THBS2: variants seen among roughly 807,000 people sequenced by gnomAD.
THBS2 encodes the protein thrombospondin 2.
A neutral mutation model predicts 135.2 loss-of-function variants in THBS2; 47 were observed. The ratio of observed to expected loss-of-function variants is 0.35; its 90% CI spans 0.28 to 0.44. The LOEUF (loss-of-function observed/expected upper bound fraction) is 0.44. Ranked by LOEUF, THBS2 falls within the 20% of genes least tolerant of loss-of-function variation. The pLI, the probability that THBS2 is intolerant of heterozygous loss-of-function variation, is 1.00. For synonymous variants in THBS2, 639 were observed against 633.8 expected (o/e 1.01, Z -0.12); for missense variants, 1,288 against 1,603.1 (o/e 0.80, Z 3.36).
rs1201713828 is a variant in THBS2 at position 169,241,133 on chromosome 6, G to T, written c.892-541C>A. On this transcript the variant is annotated intron_variant, in intron 5 of 21. Transcript: ENST00000617924. The surrounding 1 kb of genome is among the most constrained non-coding windows in gnomAD (Gnocchi z 5.5). Reference sequence around the variant, plus strand: ...GGCATCATTTACTTCATGCCCTCTGGGTACGAGTGACAGTCAGCATCACTG... The same window carrying T: ...GGCATCATTTACTTCATGCCCTCTGTGTACGAGTGACAGTCAGCATCACTG... Among the ~76,000 whole-genome samples, 2 of 151,282 alleles carry T rather than the reference G, an allele frequency of 1.3e-5. No homozygotes were observed.
chr6:169,241,137 C>G lies in THBS2; in HGVS notation c.892-545G>C, dbSNP rs958149063. On this transcript the variant is annotated intron_variant, in intron 5 of 21. Coordinates refer to ENST00000617924, the MANE Select transcript of THBS2 (RefSeq NM_003247.5). This position sits in a 1 kb window ranked among gnomAD's most constrained non-coding sequence, Gnocchi z 5.5. ...TCATTTACTTCATGCCCTCTGGGTA[C>G]GAGTGACAGTCAGCATCACTGCACC... Among the ~76,000 whole-genome samples, 3 of 151,182 alleles carry G rather than the reference C, an allele frequency of 2.0e-5. No individual in the cohort carries two copies. The highest frequency in any genetic ancestry group is 7.3e-5 in the African/African-American group (3 of 41,236).
chr6:169,216,236 G>A lies in THBS2; in HGVS notation c.*1586C>T, dbSNP rs1042. 0.14 allele frequency: 21,822 copies of A among 152,178 alleles called. 1,779 individuals are homozygous for A. The highest frequency in any genetic ancestry group is 0.25 in the Admixed American group (3,872 of 15,274). The allele number at this position is 152,178 out of a possible 1,614,324, so 9.4% of individuals were successfully genotyped here. A position where few individuals can be genotyped will look rare whatever the true frequency, so the allele number is the denominator to read the frequency against. On this transcript the variant is annotated 3_prime_UTR_variant, in exon 22 of 22. Transcript: ENST00000617924. ...TATCAAAATGCAATGTGTACATTAA[G>A]ACTAAAGTTATGGATTGTTCCTGTT...
rs961168385 is a variant in THBS2, at chr6:169,216,672, G to A, written c.*1150C>T. The A allele has an allele frequency of 8.6e-5, 13 of 150,688 alleles. No homozygotes were observed. The highest frequency in any genetic ancestry group is 2.2e-4 in the African/African-American group (9 of 41,326). The allele number at this position is 150,688 out of a possible 1,614,324, so 9.3% of individuals were successfully genotyped here. A position where few individuals can be genotyped will look rare whatever the true frequency, so the allele number is the denominator to read the frequency against. On this transcript the variant is annotated 3_prime_UTR_variant, in exon 22 of 22. Coordinates refer to ENST00000617924, the MANE Select transcript of THBS2 (RefSeq NM_003247.5). ...GTTACAGCTTCTAGCATGCTTCATC[G>A]TGACAACCTAATATTATCAAGCCTC... is the stretch of plus-strand genomic sequence containing the variant.
rs978138281 is a variant in THBS2 at position 169,241,118 on chromosome 6, A to T, written c.892-526T>A. On this transcript the variant is annotated intron_variant, in intron 5 of 21. Coordinates refer to ENST00000617924, the MANE Select transcript of THBS2 (RefSeq NM_003247.5). This position sits in a 1 kb window ranked among gnomAD's most constrained non-coding sequence, Gnocchi z 5.5. ...TGGGCTCCATCTCCTGGCATCATTT[A>T]CTTCATGCCCTCTGGGTACGAGTGA... 4.0e-5 allele frequency among the ~76,000 whole-genome samples: 6 copies of T among 148,670 alleles called. No homozygotes were observed. The highest frequency in any genetic ancestry group is 8.9e-5 in the Non-Finnish European group (6 of 67,566).
In THBS2 at chr6:169,246,112, CACAT is replaced by C. The variant is rs1780545935; in HGVS notation, c.694+81_694+84del. 6.1e-6 allele frequency: 7 copies of C among 1,156,532 alleles called. No individual in the cohort carries two copies. The Admixed American group carries it at 1.3e-4, about 21-fold the overall frequency. The allele number at this position is 1,156,532 out of a possible 1,614,324, so 71.6% of individuals were successfully genotyped here. A position where few individuals can be genotyped will look rare whatever the true frequency, so the allele number is the denominator to read the frequency against. ...AAATTTTTACAAGCATGAATGCACA[CACAT>C]ACACACACACACATACACCATGTCA... is the stretch of plus-strand genomic sequence containing the variant. On this transcript the variant is annotated intron_variant, in intron 4 of 21. Transcript: ENST00000617924.
chr6:169,221,234 T>C (rs1015347923), intron 20 of THBS2, among the ~76,000 whole-genome samples, 196 bp downstream of exon 20: 1 of 152,240 alleles, frequency 6.6e-6, no homozygotes, highest in East Asian at 1.9e-4. Context: ...TATATTCTCC[T>C]TTTCAACCAT....
intron 12 of THBS2, among the ~76,000 whole-genome samples, 185 bp from the exon 13 acceptor site, chr6:169,232,383 C>T (rs1295480895): frequency 1.1e-4 from 17 of 152,208 alleles, no homozygotes. Context: ...CCGTTTGTGA[C>T]TCAGCCATCG....
In THBS2 at chr6:169,217,840, A is replaced by G. The variant is rs200618112; in HGVS notation, c.3512-11T>C. On this transcript the variant is annotated splice_polypyrimidine_tract_variant and intron_variant, in intron 21 of 21. Transcript: ENST00000617924. ...ATCTTGTTTAAATATCTACAAAAAGAAAAAAAAAAGCAATAAACAATTAGC... is the reference window on the plus strand; with the variant it reads ...ATCTTGTTTAAATATCTACAAAAAGGAAAAAAAAAGCAATAAACAATTAGC... The G allele has an allele frequency of 6.0e-6, 1 of 168,042 alleles. No individual in the cohort carries two copies. The allele number at this position is 168,042 out of a possible 1,614,324, so 10.4% of individuals were successfully genotyped here. A position where few individuals can be genotyped will look rare whatever the true frequency, so the allele number is the denominator to read the frequency against.
At chr6:169,223,150 G>T in intron 18 of THBS2, 98 bp downstream of exon 18, 1 of 1,132,910 alleles carries the variant, frequency 8.8e-7, no homozygotes, top group Non-Finnish European at 1.2e-6. Context: ...AAGACCACAT[G>T]GCATCCCACC....
rs1376872841 is a variant in THBS2 at position 169,216,530 on chromosome 6, TAAA to T, written c.*1289_*1291del. 1 of 152,220 alleles carries T rather than the reference TAAA, an allele frequency of 6.6e-6. No individual in the cohort carries two copies. Among genetic ancestry groups the T allele is most frequent in the African/African-American group, 2.4e-5 (1 of 41,448 alleles). 9.4% of individuals were successfully genotyped at this position (152,220 alleles called of 1,614,324 possible). A position where few individuals can be genotyped will look rare whatever the true frequency, so the allele number is the denominator to read the frequency against. The stretch of plus-strand genomic sequence containing the variant: ...TGCTGATTCTTTTCAGCGTTTGAAT[TAAA>T]AGAATTCCATATACAGCAGATAGAT... On this transcript the variant is annotated 3_prime_UTR_variant, in exon 22 of 22. Transcript: ENST00000617924.
At chr6:169,242,631 A>ACCTTCCTATCTTCCCATCTTC (rs1487737607) in intron 4 of THBS2, among the ~76,000 whole-genome samples, 1 of 20,612 alleles carries the variant, frequency 4.9e-5, no homozygotes, top group Admixed American at 5.3e-4. Flanking sequence ...CCACCTTCCC[A>ACCTTCCTATCTTCCCATCTTC]CCACTCCCAC....
In THBS2 at chr6:169,221,564, AC is replaced by A. The variant is rs757527812; in HGVS notation, c.3274-38del. On this transcript the variant is annotated intron_variant, in intron 19 of 21. Transcript: ENST00000617924. ...CATAGCACTCTTGAGTGCCATGGGC[AC>A]CCGGAGCCTTAACCACAGCTCTGTA... The A allele has an allele frequency of 3.8e-6, 6 of 1,598,402 alleles. No homozygotes were observed. The South Asian group carries it at 6.6e-5, about 18-fold the overall frequency.
rs1379095253 is a variant in THBS2, at chr6:169,216,669, A to G, written c.*1153T>C. ...TCTGTTACAGCTTCTAGCATGCTTC[A>G]TCGTGACAACCTAATATTATCAAGC... On this transcript the variant is annotated 3_prime_UTR_variant, in exon 22 of 22. Transcript: ENST00000617924. 2 of 151,168 alleles carry G rather than the reference A, an allele frequency of 1.3e-5. No individual in the cohort carries two copies. The highest frequency in any genetic ancestry group is 1.9e-4 in the East Asian group (1 of 5,194). 9.4% of individuals were successfully genotyped at this position (151,168 alleles called of 1,614,324 possible). A position where few individuals can be genotyped will look rare whatever the true frequency, so the allele number is the denominator to read the frequency against.
intron 19 of THBS2, 114 bp from the exon 20 acceptor site, chr6:169,221,641 C>T: frequency 1.2e-6 from 1 of 805,958 alleles, no homozygotes; most frequent in Non-Finnish European, 2.1e-6. Context: ...GCTTAAGGCT[C>T]ATGGTGCTCC....
At chr6:169,251,335 A>G (rs1047877150) in intron 1 of THBS2, among the ~76,000 whole-genome samples, 7 of 152,280 alleles carry the variant, frequency 4.6e-5, no homozygotes, top group African/African-American at 1.7e-4. Flanking sequence ...AAAGTTACAA[A>G]TAAACTTAAT....
chr6:169,246,289 T>G lies in THBS2; in HGVS notation c.610-8A>C. 1 of 1,610,870 alleles carries G rather than the reference T, an allele frequency of 6.2e-7. No homozygotes were observed. Among genetic ancestry groups the G allele is most frequent in the African/African-American group, 1.3e-5 (1 of 74,954 alleles). On this transcript the variant is annotated splice_polypyrimidine_tract_variant and splice_region_variant and intron_variant, in intron 3 of 21. Coordinates refer to ENST00000617924, the MANE Select transcript of THBS2 (RefSeq NM_003247.5). ...GACGTTCTGAAGCAAACCCTGTAAG[T>G]ATACACAAGCAGAAAAATAGAGCAA...
rs1780782426 is a variant in THBS2, at chr6:169,252,278, T to C, written c.-23+1446A>G. On this transcript the variant is annotated intron_variant, in intron 1 of 21. Coordinates refer to ENST00000617924, the MANE Select transcript of THBS2 (RefSeq NM_003247.5). The surrounding 1 kb of genome is among the most constrained non-coding windows in gnomAD (Gnocchi z 4.3). The stretch of plus-strand genomic sequence containing the variant: ...AATGACAGGAGCGAACACTTGGCCA[T>C]GAGCTTAGAACAGTACCTGCATGCA... 6.6e-6 allele frequency: 1 copy of C among 152,164 alleles called. No homozygotes were observed. The highest frequency in any genetic ancestry group is 2.1e-4 in the South Asian group (1 of 4,822). The allele number at this position is 152,164 out of a possible 1,614,324, so 9.4% of individuals were successfully genotyped here.
intron 13 of THBS2, among the ~76,000 whole-genome samples, chr6:169,229,937 G>A (rs1040281395): frequency 1.3e-5 from 2 of 152,154 alleles, no homozygotes; most frequent in Non-Finnish European, 2.9e-5. Context: ...GAATCCCAGT[G>A]AGGTTGCCAA....
At chr6:169,240,658 G>A (rs902697921) in intron 5 of THBS2, 66 bp from the exon 6 acceptor site, 16 of 1,549,186 alleles carry the variant, frequency 1.0e-5, no homozygotes, top group Non-Finnish European at 1.4e-5. Context: ...TCATGCTTGT[G>A]GATGAAAAAC....
Sources: allele counts gnomAD v4.1 joint callset (sites outside exome capture counted in the v4.1 genomes callset), GRCh38; gene constraint gnomAD v4.1.1; non-coding constraint Gnocchi (gnomAD v3.1); transcripts MANE v1.5; gene names NCBI Gene and HGNC (gene_info 2026-07-23, HGNC 2026-07-21).